EXOC4: variants seen among roughly 807,000 people sequenced by gnomAD.
EXOC4 encodes exocyst complex component 4, also known as SEC8-like 1.
EXOC4 carries 71 observed loss-of-function variants against 107.2 expected under a neutral mutation model. The observed-to-expected ratio is 0.66, with a 90% CI of 0.55 to 0.81. The LOEUF is 0.81. Ranked by LOEUF, EXOC4 falls within the 30% of genes least tolerant of loss-of-function variation. The pLI is 0.00. For synonymous variants in EXOC4, 456 were observed against 441.2 expected, an observed-to-expected ratio of 1.03 and a Z score of -0.42; for missense variants, 1,108 against 1,189.6, an observed-to-expected ratio of 0.93 and a Z score of 1.01.
chr7:133,700,589 T>C (rs142884788), intron 10 of EXOC4, among the ~76,000 whole-genome samples: 60 of 152,328 alleles, frequency 3.9e-4, no homozygotes, highest in African/African-American at 1.4e-3. Context: ...GATTTGTGAA[T>C]TTCAGCTTGT....
intron 10 of EXOC4, among the ~76,000 whole-genome samples, chr7:133,647,571 C>T (rs1285579141): frequency 1.3e-5 from 2 of 152,098 alleles, no homozygotes; most frequent in African/African-American, 4.8e-5. Context: ...CAGAAGGACC[C>T]TAGAGCCCCA....
chr7:133,435,363 A>G (rs1179480139), intron 7 of EXOC4, among the ~76,000 whole-genome samples: 17 of 151,552 alleles, frequency 1.1e-4, no homozygotes, highest in Admixed American at 1.1e-3. Context: ...GGGGTAGGTT[A>G]TCATGTCTAG....
intron 9 of EXOC4, among the ~76,000 whole-genome samples, chr7:133,523,419 A>T (rs946286067): frequency 6.7e-6 from 1 of 149,946 alleles, no homozygotes; most frequent in Non-Finnish European, 1.5e-5. Flanking sequence ...GAAAATTAAG[A>T]GTATATATAC....
In EXOC4 at chr7:133,652,917, C is replaced by G. The variant is rs140524265; in HGVS notation, c.1514+22776C>G. Among the ~76,000 whole-genome samples, 375 of 152,214 alleles carry G rather than the reference C, an allele frequency of 2.5e-3. 2 individuals are homozygous for G. The highest frequency in any genetic ancestry group is 8.6e-3 in the African/African-American group (357 of 41,536). ...ACCCCTTTTGGACTTAAAATATCAGCCTGCTTTTTCTTGTTTGAAAGAGTA... is the reference window on the plus strand; with the variant it reads ...ACCCCTTTTGGACTTAAAATATCAGGCTGCTTTTTCTTGTTTGAAAGAGTA... On this transcript the variant is annotated intron_variant, in intron 10 of 17. Transcript: ENST00000253861.
chr7:133,785,509 A>C (rs2151178050), intron 10 of EXOC4, among the ~76,000 whole-genome samples: 1 of 152,224 alleles, frequency 6.6e-6, no homozygotes, highest in Non-Finnish European at 1.5e-5. Context: ...GGTGACTTGG[A>C]CAAAAACTAC....
At chr7:133,329,367 G>A (rs1488264743) in intron 5 of EXOC4, among the ~76,000 whole-genome samples, 2 of 152,100 alleles carry the variant, frequency 1.3e-5, no homozygotes, top group Admixed American at 6.5e-5. Context: ...GTTAGAACAT[G>A]TTCCTTTAAC....
At chr7:134,076,641 C>G in the EXOC4 span, among the ~76,000 whole-genome samples, 1 of 150,734 alleles carries the variant, frequency 6.6e-6, no homozygotes, top group Non-Finnish European at 1.5e-5. Context: ...ATGTACATAT[C>G]CAACATATAA....
At chr7:133,692,857 A>C (rs1212882014) in intron 10 of EXOC4, among the ~76,000 whole-genome samples, 1 of 152,182 alleles carries the variant, frequency 6.6e-6, no homozygotes, top group African/African-American at 2.4e-5. Context: ...TGAAGTAGAA[A>C]TTAATTATTT....
chr7:133,884,153 A>AT (rs1355277311), intron 11 of EXOC4, among the ~76,000 whole-genome samples: 1 of 152,206 alleles, frequency 6.6e-6, no homozygotes, highest in African/African-American at 2.4e-5. Context: ...TGTTAACCTC[A>AT]ATAGGAAAGG....
chr7:133,538,603 G>C (rs1341301501), intron 9 of EXOC4, among the ~76,000 whole-genome samples: 9 of 152,050 alleles, frequency 5.9e-5, no homozygotes, highest in South Asian at 2.1e-4. Context: ...ATCACTTGAG[G>C]CTGGGAATTT....
chr7:133,605,381 C>T (rs898117249), intron 9 of EXOC4, among the ~76,000 whole-genome samples: 5 of 152,028 alleles, frequency 3.3e-5, no homozygotes, highest in South Asian at 4.1e-4. Context: ...TATAGGAAAC[C>T]GCTATTCATT....
At position 133,289,132 on chromosome 7, in the gene EXOC4, G is replaced by A; in HGVS notation, c.471+16G>A. ...TGACATGTTGGTAAGAGAACAGCCT[G>A]TGCTAAGGGTCATTTTTGTTAAGAT... On this transcript the variant is annotated intron_variant, in intron 3 of 17. Transcript: ENST00000253861. 6.2e-7 allele frequency: 1 copy of A among 1,608,690 alleles called. No homozygotes were observed. The highest frequency in any genetic ancestry group is 8.5e-7 in the Non-Finnish European group (1 of 1,176,004).
At position 133,358,692 on chromosome 7, in the gene EXOC4, T is replaced by C. The variant is rs559608588; in HGVS notation, c.1007+2119T>C. On this transcript the variant is annotated intron_variant, in intron 6 of 17. Coordinates refer to ENST00000253861, the MANE Select transcript of EXOC4 (RefSeq NM_021807.4). ...GGAAATAACATTGCTGTAGTATATATTGGAAATAAAAGGGCATGGATTAAT... is the reference window on the plus strand; with the variant it reads ...GGAAATAACATTGCTGTAGTATATACTGGAAATAAAAGGGCATGGATTAAT... 3.9e-5 allele frequency among the ~76,000 whole-genome samples: 6 copies of C among 152,308 alleles called. No individual in the cohort carries two copies. The South Asian group carries it at 1.2e-3, about 32-fold the overall frequency.
chr7:133,661,044 C>A (rs562108026), intron 10 of EXOC4, among the ~76,000 whole-genome samples: 1 of 152,222 alleles, frequency 6.6e-6, no homozygotes, highest in Non-Finnish European at 1.5e-5. Flanking sequence ...TCATGTTTGT[C>A]TGATTTTAAG....
At chr7:134,044,394 G>A (rs1443082386) in intron 17 of EXOC4, among the ~76,000 whole-genome samples, 2 of 152,170 alleles carry the variant, frequency 1.3e-5, no homozygotes, top group African/African-American at 2.4e-5. Context: ...GCTGCGTCCT[G>A]CCTACCACCG....
intron 1 of EXOC4, among the ~76,000 whole-genome samples, chr7:133,273,339 G>T (rs1647504613): frequency 6.6e-6 from 1 of 152,162 alleles, no homozygotes; most frequent in South Asian, 2.1e-4. Flanking sequence ...ACACTTGGGT[G>T]GTATTCTCTA....
intron 10 of EXOC4, among the ~76,000 whole-genome samples, chr7:133,814,111 A>G (rs974507371): frequency 6.6e-6 from 1 of 152,130 alleles, no homozygotes; most frequent in Non-Finnish European, 1.5e-5. Context: ...TTATAATTCA[A>G]AAGTCTAATT....
chr7:133,978,498 A>G lies in EXOC4; in HGVS notation c.2207-18994A>G, dbSNP rs74336202. ...AAAAATGTCTCAGGAGTAGAAGGTT[A>G]CATTCATTCATCAAGGCTCAGTTGG... On this transcript the variant is annotated intron_variant, in intron 14 of 17. Coordinates refer to ENST00000253861, the MANE Select transcript of EXOC4 (RefSeq NM_021807.4). Among the ~76,000 whole-genome samples, 914 of 152,338 alleles carry G rather than the reference A, an allele frequency of 6.0e-3. 5 individuals are homozygous for G. The highest frequency in any genetic ancestry group is 0.011 in the Non-Finnish European group (728 of 68,030).
At chr7:133,901,140 G>A (rs1405627217) in intron 12 of EXOC4, among the ~76,000 whole-genome samples, 1 of 152,094 alleles carries the variant, frequency 6.6e-6, no homozygotes, top group South Asian at 2.1e-4. Flanking sequence ...AAAGTCCTGG[G>A]ATTACAGGCA....
Sources: gnomAD v4.1 joint callset for allele counts (sites outside exome capture counted in the v4.1 genomes callset) on GRCh38, gnomAD v4.1.1 for gene constraint, MANE v1.5 for transcripts, NCBI Gene and HGNC (gene_info 2026-07-23, HGNC 2026-07-21) for gene names.